VDAC1: variants seen among roughly 807,000 people sequenced by gnomAD.
VDAC1 encodes the protein voltage dependent anion channel 1, also known as non-selective voltage-gated ion channel VDAC1.
A neutral mutation model predicts 34.7 loss-of-function variants in VDAC1; 10 were observed. The observed-to-expected ratio is 0.29, with a 90% CI of 0.18 to 0.49. The LOEUF is 0.49. Among genes scored for constraint, VDAC1 ranks in the 20% least tolerant of loss-of-function variants. The pLI is 0.99. For synonymous variants in VDAC1, 130 were observed against 136.0 expected (o/e 0.96, Z 0.30); for missense variants, 230 against 347.9 (o/e 0.66, Z 2.69).
the VDAC1 span, among the ~76,000 whole-genome samples, chr5:134,054,242 G>A: frequency 1.3e-5 from 2 of 152,104 alleles, no homozygotes; most frequent in Non-Finnish European, 2.9e-5. Context: ...GATTTACTCT[G>A]CCAGCATGGT....
the VDAC1 span, among the ~76,000 whole-genome samples, chr5:134,068,380 G>A: frequency 6.7e-6 from 1 of 148,800 alleles, no homozygotes. Flanking sequence ...TTTTTTCAAT[G>A]AGGGGATGTA....
At chr5:134,045,809 C>T in the VDAC1 span, among the ~76,000 whole-genome samples, 1 of 151,868 alleles carries the variant, frequency 6.6e-6, no homozygotes, top group Non-Finnish European at 1.5e-5. Context: ...CTCAGCCTCC[C>T]GAGTAGCTGG....
the VDAC1 span, among the ~76,000 whole-genome samples, chr5:134,024,544 A>T: frequency 6.6e-6 from 1 of 151,902 alleles, no homozygotes; most frequent in Non-Finnish European, 1.5e-5. Flanking sequence ...AAAAAAGAAA[A>T]AAAAAAAAAC....
chr5:134,015,747 C>A, the VDAC1 span, among the ~76,000 whole-genome samples: 1 of 151,848 alleles, frequency 6.6e-6, no homozygotes, highest in Non-Finnish European at 1.5e-5. Flanking sequence ...CGGGTTCAAG[C>A]GATTCTCCTG....
chr5:134,036,755 C>A, the VDAC1 span, among the ~76,000 whole-genome samples: 4 of 151,850 alleles, frequency 2.6e-5, no homozygotes, highest in African/African-American at 9.7e-5. Context: ...AGATCGAGAC[C>A]ATCCTGGCTA....
chr5:134,039,753 A>T, the VDAC1 span, among the ~76,000 whole-genome samples: 2 of 152,198 alleles, frequency 1.3e-5, no homozygotes, highest in Non-Finnish European at 2.9e-5. Flanking sequence ...AAGAAGCGAG[A>T]TGGGCCATCT....
At chr5:134,000,916 A>C (rs762661313) in intron 1 of VDAC1, among the ~76,000 whole-genome samples, 1 of 152,170 alleles carries the variant, frequency 6.6e-6, no homozygotes, top group Non-Finnish European at 1.5e-5. Context: ...ACAATGAGGC[A>C]TTGTTTAGCT....
At chr5:134,028,457 G>C in the VDAC1 span, among the ~76,000 whole-genome samples, 2 of 152,170 alleles carry the variant, frequency 1.3e-5, no homozygotes, top group Non-Finnish European at 2.9e-5. Flanking sequence ...TGTATTGTGA[G>C]TTTTTTCTTC....
the VDAC1 span, among the ~76,000 whole-genome samples, chr5:134,080,899 G>A: frequency 6.6e-6 from 1 of 151,852 alleles, no homozygotes; most frequent in East Asian, 1.9e-4. Context: ...TTTATTTTGA[G>A]ACAGAGTATT....
At chr5:134,090,350 A>G in the VDAC1 span, among the ~76,000 whole-genome samples, 3 of 152,286 alleles carry the variant, frequency 2.0e-5, no homozygotes, top group Admixed American at 6.5e-5. Context: ...GAATGGACGC[A>G]TTGTTCTCTA....
the VDAC1 span, among the ~76,000 whole-genome samples, chr5:134,021,769 C>T: frequency 6.6e-6 from 1 of 152,152 alleles, no homozygotes; most frequent in South Asian, 2.1e-4. Context: ...GGCCTAGCCC[C>T]TAGCCCCTGG....
At chr5:134,005,387 AAT>A (rs1406896441), upstream of VDAC1, 1 of 152,192 alleles carries the variant, frequency 6.6e-6, no homozygotes, top group African/African-American at 2.4e-5. Context: ...CTCCGGATAC[AAT>A]GTGTCTGGCG....
At chr5:134,102,803 G>A in the VDAC1 span, among the ~76,000 whole-genome samples, 1 of 152,178 alleles carries the variant, frequency 6.6e-6, no homozygotes, top group East Asian at 1.9e-4. Flanking sequence ...GATTTCCTGA[G>A]TTTGGGCTAT....
intron 1 of VDAC1, 122 bp from the exon 2 acceptor site, chr5:133,993,140 G>A: frequency 9.7e-7 from 1 of 1,027,434 alleles, no homozygotes; most frequent in Non-Finnish European, 1.4e-6. Context: ...AGACTACCAG[G>A]TAGCTTATCC....
At chr5:134,089,451 C>T in the VDAC1 span, among the ~76,000 whole-genome samples, 1 of 152,140 alleles carries the variant, frequency 6.6e-6, no homozygotes, top group Non-Finnish European at 1.5e-5. Context: ...GCCTATAACC[C>T]ATATGAAAAA....
At chr5:134,027,870 A>G in the VDAC1 span, among the ~76,000 whole-genome samples, 6 of 147,134 alleles carry the variant, frequency 4.1e-5, no homozygotes. Context: ...TCTCAGGTTC[A>G]AGCGATTCTC....
the VDAC1 span, among the ~76,000 whole-genome samples, chr5:134,048,610 T>TAAG: frequency 2.0e-5 from 3 of 152,138 alleles, no homozygotes; most frequent in African/African-American, 4.8e-5. Context: ...TTACTACTCA[T>TAAG]AAGAGAAATA....
the VDAC1 span, among the ~76,000 whole-genome samples, chr5:134,039,398 G>C: frequency 6.6e-6 from 1 of 152,026 alleles, no homozygotes; most frequent in South Asian, 2.1e-4. Context: ...GCGCAATCTC[G>C]GCTCACTGTA....
intron 5 of VDAC1, among the ~76,000 whole-genome samples, chr5:133,983,315 G>A (rs1463602735): frequency 2.0e-5 from 3 of 151,372 alleles, no homozygotes; most frequent in South Asian, 2.1e-4. Flanking sequence ...TCATGGTTAT[G>A]CTCCTTTAAA....
Sources: allele counts gnomAD v4.1 joint callset (sites outside exome capture counted in the v4.1 genomes callset), GRCh38; gene constraint gnomAD v4.1.1; transcripts MANE v1.5; gene names NCBI Gene and HGNC (gene_info 2026-07-23, HGNC 2026-07-21).